ZNG1E: variants seen among roughly 807,000 people sequenced by gnomAD.
ZNG1E encodes the protein Zn regulated GTPase metalloprotein activator 1E.
the ZNG1E span, among the ~76,000 whole-genome samples, chr9:65,714,694 AGGGGGT>A: frequency 6.8e-6 from 1 of 146,984 alleles, no homozygotes; most frequent in African/African-American, 2.7e-5. Flanking sequence ...GTTACCTCCC[AGGGGGT>A]GACCTCCCAG....
chr9:65,668,595 A>G, the ZNG1E span, among the ~76,000 whole-genome samples: 2 of 147,106 alleles, frequency 1.4e-5, no homozygotes, highest in Admixed American at 1.4e-4. Flanking sequence ...CAGTGCAGTG[A>G]TCATAGCTCA....
the ZNG1E span, among the ~76,000 whole-genome samples, chr9:65,717,575 A>G: frequency 2.0e-5 from 3 of 149,684 alleles, no homozygotes; most frequent in Non-Finnish European, 4.4e-5. Flanking sequence ...TTAGAACTGT[A>G]TTTTTAATTT....
chr9:65,691,306 C>T, the ZNG1E span, among the ~76,000 whole-genome samples: 1 of 150,450 alleles, frequency 6.6e-6, no homozygotes, highest in Non-Finnish European at 1.5e-5. Flanking sequence ...TGGTCTTGAA[C>T]CCCTGACTTC....
the ZNG1E span, among the ~76,000 whole-genome samples, chr9:65,662,188 C>T: frequency 6.6e-6 from 1 of 152,202 alleles, no homozygotes; most frequent in African/African-American, 2.4e-5. Context: ...TGAATTTAAC[C>T]ATGCTGAAAC....
chr9:65,682,457 T>C, the ZNG1E span: 1 of 285,136 alleles, frequency 3.5e-6, no homozygotes, highest in Non-Finnish European at 6.7e-6. Context: ...TTATTTTGTA[T>C]GTTGGTTTTT....
At chr9:65,667,557 T>C in the ZNG1E span, among the ~76,000 whole-genome samples, 1 of 152,104 alleles carries the variant, frequency 6.6e-6, no homozygotes, top group Non-Finnish European at 1.5e-5. Context: ...CTAATCAACA[T>C]ACTTTCTTAT....
At chr9:65,732,885 ATT>A in the ZNG1E span, 1 of 1,584,252 alleles carries the variant, frequency 6.3e-7, no homozygotes, top group Non-Finnish European at 8.5e-7. Context: ...AAGAGTTTGT[ATT>A]TTTTAAGTGA....
the ZNG1E span, among the ~76,000 whole-genome samples, chr9:65,665,345 G>C: frequency 2.2e-4 from 33 of 152,370 alleles, no homozygotes; most frequent in African/African-American, 7.9e-4. Flanking sequence ...TGAATGAAAG[G>C]AGCCAAAGTA....
chr9:65,714,869 C>G, the ZNG1E span, among the ~76,000 whole-genome samples: 1 of 151,982 alleles, frequency 6.6e-6, no homozygotes. Flanking sequence ...GTGCCCTGCC[C>G]CCAGAGGTGG....
At chr9:65,717,541 T>G in the ZNG1E span, among the ~76,000 whole-genome samples, 1 of 149,940 alleles carries the variant, frequency 6.7e-6, no homozygotes, top group East Asian at 1.9e-4. Context: ...TTAGCCATGA[T>G]CCCTTTCATC....
At chr9:65,714,978 C>T in the ZNG1E span, among the ~76,000 whole-genome samples, 4 of 150,296 alleles carry the variant, frequency 2.7e-5, no homozygotes, top group South Asian at 4.2e-4. Context: ...TGGGCAATGG[C>T]GGGCGCCCCT....
At chr9:65,716,342 A>G in the ZNG1E span, among the ~76,000 whole-genome samples, 5 of 149,720 alleles carry the variant, frequency 3.3e-5, no homozygotes, top group African/African-American at 1.2e-4. Flanking sequence ...ATTTTCTGTA[A>G]GCATGGGGTC....
the ZNG1E span, among the ~76,000 whole-genome samples, chr9:65,716,580 T>A: frequency 1.2e-4 from 18 of 149,384 alleles, no homozygotes; most frequent in Non-Finnish European, 2.2e-4. Flanking sequence ...ATACCTACAG[T>A]AACCTGTGAG....
At chr9:65,675,442 C>T in the ZNG1E span, among the ~76,000 whole-genome samples, 1 of 150,614 alleles carries the variant, frequency 6.6e-6, no homozygotes. Flanking sequence ...AAAAAATTGT[C>T]ACTGGTTATC....
chr9:65,677,541 C>A, the ZNG1E span, among the ~76,000 whole-genome samples: 1 of 152,286 alleles, frequency 6.6e-6, no homozygotes, highest in African/African-American at 2.4e-5. Context: ...TCCCCCAAAT[C>A]CTGCTTCTGT....
the ZNG1E span, among the ~76,000 whole-genome samples, chr9:65,717,885 C>T: frequency 3.4e-5 from 5 of 145,872 alleles, no homozygotes; most frequent in African/African-American, 1.1e-4. Flanking sequence ...TGAGGTTTTG[C>T]CATGTTGCTG....
At chr9:65,684,384 A>T in the ZNG1E span, among the ~76,000 whole-genome samples, 4 of 150,594 alleles carry the variant, frequency 2.7e-5, no homozygotes, top group Admixed American at 6.6e-5. Context: ...TGAAAATTCA[A>T]AAACTAGCCA....
chr9:65,671,662 C>A, the ZNG1E span, among the ~76,000 whole-genome samples: 4 of 152,148 alleles, frequency 2.6e-5, no homozygotes, highest in African/African-American at 9.6e-5. Flanking sequence ...CTTTGGGTTA[C>A]TTTTCTGTAA....
the ZNG1E span, among the ~76,000 whole-genome samples, chr9:65,716,606 G>A: frequency 6.7e-6 from 1 of 149,446 alleles, no homozygotes; most frequent in South Asian, 2.1e-4. Flanking sequence ...ACATGATAGT[G>A]TTTTATTGGA....
Sources: allele counts gnomAD v4.1 joint callset (sites outside exome capture counted in the v4.1 genomes callset), GRCh38; gene constraint gnomAD v4.1.1; transcripts MANE v1.5; gene names NCBI Gene and HGNC (gene_info 2026-07-23, HGNC 2026-07-21).